Variants in RSF1 observed in about 807,000 individuals in gnomAD.
RSF1 encodes the protein remodeling and spacing factor 1.
RSF1 carries 13 observed loss-of-function variants against 145.2 expected under a neutral mutation model. That is an observed-to-expected ratio of 0.09 (90% CI 0.06 to 0.14). The LOEUF (loss-of-function observed/expected upper bound fraction) is 0.14, where lower values mean the gene tolerates loss of function less well. Ranked by LOEUF, RSF1 falls within the 10% of genes least tolerant of loss-of-function variation. The pLI, the probability that RSF1 is intolerant of heterozygous loss-of-function variation, is 1.00. For missense variants in RSF1, 1,517 were observed against 1,718.2 expected (o/e 0.88, Z 2.07); for synonymous variants, 577 against 592.6 (o/e 0.97, Z 0.38).
intron 15 of RSF1, 107 bp from the exon 16 acceptor site, chr11:77,667,598 GTACC>G: frequency 1.1e-6 from 1 of 952,016 alleles, no homozygotes; most frequent in Non-Finnish European, 1.5e-6. Context: ...AGAATTGCTT[GTACC>G]TAAATGTTTC....
At position 77,693,657 on chromosome 11, in the gene RSF1, A is replaced by G. The variant is rs757977225; in HGVS notation, c.2716-46T>C. The G allele has an allele frequency of 2.1e-5, 29 of 1,356,672 alleles. No homozygotes were observed. The Admixed American group carries it at 3.0e-4, about 14-fold the overall frequency. The allele number at this position is 1,356,672 out of a possible 1,614,324, so 84.0% of individuals were successfully genotyped here. On this transcript the variant is annotated intron_variant, in intron 7 of 15. Transcript: ENST00000308488. ...TCAACCTAACTATGACTAAAATTCA[A>G]TGACTCTTAGGTTAAAGACGTTTCA...
intron 1 of RSF1, among the ~76,000 whole-genome samples, chr11:77,818,535 C>G (rs550915874): frequency 6.6e-6 from 1 of 152,296 alleles, no homozygotes; most frequent in South Asian, 2.1e-4. Context: ...CTGTAAAGCA[C>G]TTTGGGAGGC....
At chr11:77,854,147 C>T in the RSF1 span, among the ~76,000 whole-genome samples, 7 of 151,934 alleles carry the variant, frequency 4.6e-5, no homozygotes, top group African/African-American at 7.2e-5. Flanking sequence ...CCCGCCACCA[C>T]ACCCAGCTAA....
chr11:77,815,167 A>G (rs1300345741), intron 1 of RSF1, among the ~76,000 whole-genome samples: 1 of 152,282 alleles, frequency 6.6e-6, no homozygotes, highest in Non-Finnish European at 1.5e-5. Flanking sequence ...CTTGTGCCCA[A>G]CAGTACAAGA....
chr11:77,816,200 A>C (rs930885045), intron 1 of RSF1, among the ~76,000 whole-genome samples: 21 of 152,232 alleles, frequency 1.4e-4, no homozygotes, highest in African/African-American at 5.1e-4. Context: ...TACTACTATT[A>C]ATGTATGTAT....
chr11:77,672,179 C>A lies in RSF1; in HGVS notation c.3614G>T (p.Arg1205Met). Reference protein sequence around the residue: ...FSDDFVETRRRRSRRNQKRQI... With the variant: ...FSDDFVETRRMRSRRNQKRQI... Reference sequence around the variant, plus strand: ...TCTTTTCTGATTTCTCCTTGACCGCCTTCGCCGAGTTTCTACAAAATCATC... The same window carrying A: ...TCTTTTCTGATTTCTCCTTGACCGCATTCGCCGAGTTTCTACAAAATCATC... Residue 1205 changes from arginine (R) to methionine (M), a missense_variant, in exon 15 of 16, where the codon AGG becomes ATG. Physicochemically the swap from Arg to Met is moderately conservative, Grantham distance 91 (BLOSUM62 -1). This residue lies in a region of RSF1 where 231 missense variants were observed against 276.6 expected (regional missense o/e 0.84). Coordinates refer to ENST00000308488, the MANE Select transcript of RSF1 (RefSeq NM_016578.4). 1 of 1,611,618 alleles carries A rather than the reference C, an allele frequency of 6.2e-7. No individual in the cohort carries two copies. The highest frequency in any genetic ancestry group is 2.2e-5 in the East Asian group (1 of 44,858).
the RSF1 span, among the ~76,000 whole-genome samples, chr11:77,837,449 T>A: frequency 6.7e-6 from 1 of 149,784 alleles, no homozygotes; most frequent in Non-Finnish European, 1.5e-5. Flanking sequence ...TGGTTTTTGT[T>A]TGTTTGTTTG....
chr11:77,686,687 A>C lies in RSF1; in HGVS notation c.2901-1528T>G, dbSNP rs565848484. On this transcript the variant is annotated intron_variant, in intron 9 of 15. Transcript: ENST00000308488. ...TGATGCTATTAAAACTGGTATGTTT[A>C]AAAATCATTCAGTGGACTTCTAAAA... Among the ~76,000 whole-genome samples the C allele has an allele frequency of 5.1e-3, 781 of 152,274 alleles. 6 individuals carry two copies. Among genetic ancestry groups the C allele is most frequent in the African/African-American group, 0.016 (660 of 41,556 alleles).
intron 1 of RSF1, among the ~76,000 whole-genome samples, chr11:77,789,705 G>A (rs1353649236): frequency 2.0e-5 from 3 of 152,156 alleles, no homozygotes; most frequent in Non-Finnish European, 4.4e-5. Context: ...CCCAGGGCCT[G>A]GGGAATGCCC....
At chr11:77,694,235 A>G (rs1328735953) in intron 7 of RSF1, among the ~76,000 whole-genome samples, 3 of 152,238 alleles carry the variant, frequency 2.0e-5, no homozygotes, top group Non-Finnish European at 4.4e-5. Context: ...AAAGTTTTAA[A>G]GCTCAAGTAT....
chr11:77,735,852 G>GC (rs1961337384), intron 4 of RSF1, among the ~76,000 whole-genome samples: 1 of 152,156 alleles, frequency 6.6e-6, no homozygotes, highest in Non-Finnish European at 1.5e-5. Flanking sequence ...TGATTCCCCT[G>GC]CCTCAGCCTT....
chr11:77,821,592 A>G (rs370624955), upstream of RSF1, among the ~76,000 whole-genome samples: 3 of 152,148 alleles, frequency 2.0e-5, no homozygotes, highest in African/African-American at 7.2e-5. Flanking sequence ...CTAGGGGGCC[A>G]TGGTGTGAGG....
chr11:77,737,522 T>C (rs1203969769), intron 4 of RSF1, among the ~76,000 whole-genome samples: 3 of 151,610 alleles, frequency 2.0e-5, no homozygotes, highest in Non-Finnish European at 2.9e-5. Flanking sequence ...CAGGCATTAA[T>C]CTACACAAGC....
At chr11:77,790,652 G>T (rs1948507742) in intron 1 of RSF1, among the ~76,000 whole-genome samples, 1 of 152,152 alleles carries the variant, frequency 6.6e-6, no homozygotes. Flanking sequence ...GATACAATGG[G>T]GGTGCAGGAA....
chr11:77,685,185 C>T (rs1959970445), intron 9 of RSF1, 26 bp from the exon 10 acceptor site: 2 of 1,422,838 alleles, frequency 1.4e-6, no homozygotes, highest in Admixed American at 4.1e-5. Context: ...AAACAAAATA[C>T]ATGAGATTTG....
rs763431029 is a variant in RSF1 at position 77,702,237 on chromosome 11, G to A, written c.992C>T (p.Ala331Val). 2 of 1,613,192 alleles carry A rather than the reference G, an allele frequency of 1.2e-6. No homozygotes were observed. Among genetic ancestry groups the A allele is most frequent in the Non-Finnish European group, 8.5e-7 (1 of 1,179,808 alleles). The part of the protein sequence containing the change: ...PIKVEVKECR[A>V]DPKDTKSSME... ...GCTACTTTTGGTATCTTTAGGATCTGCTCTACATTCCTTCACCTCAACTTT... is the reference window on the plus strand; with the variant it reads ...GCTACTTTTGGTATCTTTAGGATCTACTCTACATTCCTTCACCTCAACTTT... The change falls in exon 6 of 16, where the codon GCA (alanine) becomes GTA (valine). Residue 331 changes from alanine (A) to valine (V), a missense_variant. Ala to Val is a moderately conservative substitution (Grantham distance 64). Coordinates refer to ENST00000308488, the MANE Select transcript of RSF1 (RefSeq NM_016578.4).
the RSF1 span, among the ~76,000 whole-genome samples, chr11:77,869,504 G>A: frequency 3.0e-4 from 17 of 56,198 alleles, no homozygotes; most frequent in African/African-American, 1.6e-3. Flanking sequence ...GTAGAGACAC[G>A]GTCGGTCTCC....
rs1590822969 is a variant in RSF1 at position 77,675,075 on chromosome 11, C to T, written c.3523G>A (p.Asp1175Asn). 1.2e-6 allele frequency: 2 copies of T among 1,613,724 alleles called. No individual in the cohort carries two copies. Among genetic ancestry groups the T allele is most frequent in the Non-Finnish European group, 1.7e-6 (2 of 1,179,918 alleles). Residue 1175 changes from aspartate to asparagine, a missense_variant, in exon 14 of 16, where the codon GAT (aspartate) becomes AAT (asparagine). Around this residue, in one of 12 missense-constraint regions of RSF1, gnomAD observed 231 missense variants for 276.6 expected, o/e 0.84. Coordinates refer to ENST00000308488, the MANE Select transcript of RSF1 (RefSeq NM_016578.4). ...TTCTCCTCAGATTCCTCCTCTTCAT[C>T]ATCATCGGAATATTTTTTCTTTGGG... ...KTPKKKYSDD[D>N]EEEESEENSR...
chr11:77,799,950 A>T (rs1565184585), intron 1 of RSF1, among the ~76,000 whole-genome samples: 3 of 152,186 alleles, frequency 2.0e-5, no homozygotes, highest in African/African-American at 7.2e-5. Flanking sequence ...AAATGTACTC[A>T]AGAGGAAACA....
Sources: allele counts gnomAD v4.1 joint callset (sites outside exome capture counted in the v4.1 genomes callset), GRCh38; gene constraint gnomAD v4.1.1; regional missense constraint gnomAD v4.1.1; transcripts MANE v1.5; gene names NCBI Gene and HGNC (gene_info 2026-07-23, HGNC 2026-07-21).